Variants in FGF13 observed in about 807,000 individuals in gnomAD.
FGF13 encodes fibroblast growth factor homologous factor 2.
FGF13 carries 2 observed loss-of-function variants against 19.5 expected under a neutral mutation model. The ratio of observed to expected loss-of-function variants is 0.10; its 90% CI spans 0.04 to 0.32. The LOEUF (loss-of-function observed/expected upper bound fraction) is 0.32. FGF13 is among the 10% of genes least tolerant of loss of function. FGF13 has a pLI of 1.00. For synonymous variants in FGF13, 72 were observed against 76.9 expected (o/e 0.94, Z 0.33); for missense variants, 113 against 192.7 (o/e 0.59, Z 2.45).
At chrX:138,810,673 C>G (rs139877957) in intron 3 of FGF13, among the ~76,000 whole-genome samples, 45,823 of 110,393 alleles carry the variant, frequency 0.42, 8,287 homozygotes, top group African/African-American at 0.7. Flanking sequence ...CAGAATGGGA[C>G]AAAATGTTTA....
chrX:138,649,487 C>T lies in FGF13; in HGVS notation c.403-13832G>A, dbSNP rs138807386. 8.1e-5 allele frequency among the ~76,000 whole-genome samples: 9 copies of T among 111,666 alleles called. No individual in the cohort carries two copies. In the East Asian group the frequency reaches 2.6e-3, roughly 32 times the overall value. On this transcript the variant is annotated intron_variant, in intron 3 of 4. Transcript: ENST00000315930. ...AGGGAGACAGGGTGTACCAGATATA[C>T]ATTCTTTTCCTCTCCTGCCCAAGTT...
chrX:138,778,432 AAGTGGGTGCAGGAC>A (rs2090607591), intron 3 of FGF13, among the ~76,000 whole-genome samples: 1 of 111,751 alleles, frequency 8.9e-6, no homozygotes, highest in Admixed American at 9.5e-5. Context: ...GAGTGCCAGA[AAGTGGGTGCAGGAC>A]AGTGGGTGCA....
intron 3 of FGF13, among the ~76,000 whole-genome samples, chrX:138,778,402 A>G (rs960854706): frequency 8.9e-5 from 10 of 111,732 alleles, no homozygotes; most frequent in Non-Finnish European, 1.7e-4. Flanking sequence ...CATCTGAGGT[A>G]CCGGGTTCAT....
intron 1 of FGF13, among the ~76,000 whole-genome samples, chrX:139,106,350 C>A (rs745716261): frequency 1.2e-4 from 13 of 112,678 alleles, no homozygotes; most frequent in Non-Finnish European, 2.4e-4. Flanking sequence ...ACAGAGTTGG[C>A]GTTTAAAGTT....
chrX:138,819,531 T>G lies in FGF13; in HGVS notation c.217+37981A>C, dbSNP rs764765743. ...CTCTGAGATTTGTATGCTCTTGTTC[T>G]TCAAGTTCTCCATTCATAAATGTAT... is the stretch of plus-strand genomic sequence containing the variant. On this transcript the variant is annotated intron_variant, in intron 3 of 6. Transcript: ENST00000436198. 6.3e-4 allele frequency among the ~76,000 whole-genome samples: 70 copies of G among 111,728 alleles called. 1 individual carries two copies. The highest frequency in any genetic ancestry group is 2.2e-3 in the African/African-American group (69 of 30,832).
intron 1 of FGF13, among the ~76,000 whole-genome samples, chrX:139,059,478 G>A (rs1569448294): frequency 1.8e-5 from 2 of 110,391 alleles, no homozygotes; most frequent in Non-Finnish European, 3.8e-5. Flanking sequence ...AAAAAGGCCA[G>A]GAGGACCTCT....
intron 1 of FGF13, among the ~76,000 whole-genome samples, chrX:138,946,342 A>G (rs968088906): frequency 1.8e-5 from 2 of 111,994 alleles, no homozygotes; most frequent in African/African-American, 6.5e-5. Context: ...ATCTCAATTG[A>G]CATCCCACTG....
chrX:138,712,873 T>C (rs1186038949), upstream of FGF13, among the ~76,000 whole-genome samples: 2 of 112,104 alleles, frequency 1.8e-5, no homozygotes, highest in Non-Finnish European at 3.8e-5. Flanking sequence ...CTTGCCTGAC[T>C]ACCCAACAAA....
chrX:139,111,349 G>A (rs769977266), intron 1 of FGF13, among the ~76,000 whole-genome samples: 2 of 111,789 alleles, frequency 1.8e-5, no homozygotes, highest in East Asian at 2.8e-4. Context: ...ATACCACCCC[G>A]ATGAGGCAAA....
At position 138,622,470 on chromosome X, in the gene FGF13, T is replaced by C. The variant is rs1196513761; in HGVS notation, c.*10380A>G. On this transcript the variant is annotated 3_prime_UTR_variant, in exon 5 of 5. Transcript: ENST00000315930. ...ATCCCTAAATATAACAAAGGCCATATATATGACAAACTCACATCTAACGTG... is the reference window on the plus strand; with the variant it reads ...ATCCCTAAATATAACAAAGGCCATACATATGACAAACTCACATCTAACGTG... 1 of 112,038 alleles carries C rather than the reference T, an allele frequency of 8.9e-6. No homozygotes were observed. Among genetic ancestry groups the C allele is most frequent in the African/African-American group, 3.2e-5 (1 of 30,883 alleles). 9.2% of individuals were successfully genotyped at this position (112,038 alleles called of 1,213,427 possible).
chrX:138,932,435 C>T (rs1001039641), intron 1 of FGF13, among the ~76,000 whole-genome samples: 2 of 108,634 alleles, frequency 1.8e-5, no homozygotes, highest in Admixed American at 9.8e-5. Flanking sequence ...AAAAATTAGC[C>T]GGGCCTGGTG....
chrX:138,671,542 T>C (rs1359496772), intron 3 of FGF13, among the ~76,000 whole-genome samples: 2 of 111,517 alleles, frequency 1.8e-5, no homozygotes, highest in African/African-American at 6.5e-5. Flanking sequence ...TATTCCAGAC[T>C]CTGTTCCAGG....
At chrX:138,698,221 A>C (rs1252911616) in intron 3 of FGF13, among the ~76,000 whole-genome samples, 1 of 110,938 alleles carries the variant, frequency 9.0e-6, no homozygotes, top group Non-Finnish European at 1.9e-5. Context: ...GTAAATTGCT[A>C]TCTCTGTAAC....
chrX:139,055,219 G>A (rs1438133398), intron 1 of FGF13, among the ~76,000 whole-genome samples: 4 of 111,376 alleles, frequency 3.6e-5, no homozygotes, highest in African/African-American at 1.3e-4. Context: ...GTACTATGTA[G>A]AAGAGGAGTG....
chrX:138,793,307 C>A (rs1311388143), intron 3 of FGF13, among the ~76,000 whole-genome samples: 1 of 111,956 alleles, frequency 8.9e-6, no homozygotes, highest in Non-Finnish European at 1.9e-5. Context: ...CAGGAAACTA[C>A]TACGTGCTCT....
chrX:138,665,758 C>A (rs1301821204), intron 3 of FGF13, among the ~76,000 whole-genome samples: 1 of 110,645 alleles, frequency 9.0e-6, no homozygotes, highest in Non-Finnish European at 1.9e-5. Context: ...AAAGCCCCTA[C>A]CCTCATGTAA....
chrX:138,663,160 T>C (rs1326569387), intron 3 of FGF13, among the ~76,000 whole-genome samples: 1 of 111,740 alleles, frequency 8.9e-6, no homozygotes, highest in Non-Finnish European at 1.9e-5. Flanking sequence ...GTATTTCTCT[T>C]GGAGTTTTGT....
intron 3 of FGF13, among the ~76,000 whole-genome samples, chrX:138,696,765 CACTT>C (rs1207608857): frequency 8.9e-6 from 1 of 112,150 alleles, no homozygotes. Flanking sequence ...AATGACAAAA[CACTT>C]ACTAATTGAA....
At chrX:138,928,178 T>C (rs1191933862) in intron 1 of FGF13, among the ~76,000 whole-genome samples, 5 of 111,029 alleles carry the variant, frequency 4.5e-5, no homozygotes. Context: ...CAATTTGATC[T>C]TCTTTGGATG....
Sources: allele counts gnomAD v4.1 joint callset (sites outside exome capture counted in the v4.1 genomes callset), GRCh38; gene constraint gnomAD v4.1.1; transcripts MANE v1.5; gene names NCBI Gene and HGNC (gene_info 2026-07-23, HGNC 2026-07-21).